The following KCNB2 variants were observed in gnomAD, a reference collection of about 807,000 sequenced individuals.
KCNB2 encodes the protein delayed rectifier potassium channel protein.
In KCNB2, 15 loss-of-function variants were observed where a neutral mutation model predicts 61.5. That is an observed-to-expected ratio of 0.24 (90% confidence interval 0.16 to 0.38). The LOEUF is 0.38. Ranked by LOEUF, KCNB2 falls within the 10% of genes least tolerant of loss-of-function variation. KCNB2 has a pLI of 1.00. For missense variants in KCNB2, 828 were observed against 1,125.2 expected (o/e 0.74, Z 3.78); for synonymous variants, 457 against 446.0 (o/e 1.02, Z -0.31).
chr8:72,757,286 C>T (rs1808304856), intron 2 of KCNB2, among the ~76,000 whole-genome samples: 1 of 151,950 alleles, frequency 6.6e-6, no homozygotes. Flanking sequence ...ATGTGAAGGT[C>T]AATGGGGACT....
chr8:72,585,228 G>A (rs1315702352), intron 2 of KCNB2, among the ~76,000 whole-genome samples: 2 of 152,152 alleles, frequency 1.3e-5, no homozygotes, highest in African/African-American at 4.8e-5. Flanking sequence ...GACAAGAGAT[G>A]CAATAAGTTT....
chr8:72,685,330 T>C (rs578262748), intron 2 of KCNB2, among the ~76,000 whole-genome samples: 2 of 152,192 alleles, frequency 1.3e-5, no homozygotes, highest in South Asian at 4.2e-4. Context: ...AATATATATA[T>C]AAAACATAAG....
chr8:72,743,551 G>A (rs1463325455), intron 2 of KCNB2, among the ~76,000 whole-genome samples: 1 of 152,182 alleles, frequency 6.6e-6, no homozygotes. Context: ...TAAATTTAGG[G>A]TGTTGAACAA....
At chr8:72,753,548 T>G (rs936267092) in intron 2 of KCNB2, among the ~76,000 whole-genome samples, 1 of 152,176 alleles carries the variant, frequency 6.6e-6, no homozygotes, top group Non-Finnish European at 1.5e-5. Context: ...AAGAAGAGGA[T>G]GTAACCAATT....
chr8:72,591,298 G>T (rs1251640718), intron 2 of KCNB2, among the ~76,000 whole-genome samples: 1 of 152,112 alleles, frequency 6.6e-6, no homozygotes, highest in African/African-American at 2.4e-5. Flanking sequence ...TCTATAGTCA[G>T]ACACTGATCT....
At chr8:72,774,232 T>C (rs907921320) in intron 2 of KCNB2, among the ~76,000 whole-genome samples, 1 of 152,216 alleles carries the variant, frequency 6.6e-6, no homozygotes, top group Non-Finnish European at 1.5e-5. Context: ...CTTCAGAGTC[T>C]GAACCATCCT....
intron 1 of KCNB2, among the ~76,000 whole-genome samples, chr8:72,543,348 A>C (rs1806216862): frequency 6.6e-6 from 1 of 152,216 alleles, no homozygotes; most frequent in African/African-American, 2.4e-5. Flanking sequence ...AAAATGCATA[A>C]GTTTGGATAA....
chr8:72,575,994 T>C (rs933892470), intron 2 of KCNB2, among the ~76,000 whole-genome samples: 10 of 152,216 alleles, frequency 6.6e-5, no homozygotes, highest in Non-Finnish European at 1.3e-4. Flanking sequence ...AGAGAGACTC[T>C]GTCTGTTTAC....
chr8:72,572,536 TC>T (rs1806726380), intron 2 of KCNB2, among the ~76,000 whole-genome samples: 1 of 151,302 alleles, frequency 6.6e-6, no homozygotes, highest in Admixed American at 6.6e-5. Flanking sequence ...CCCACTCCTC[TC>T]CCCGCTCCTC....
intron 1 of KCNB2, among the ~76,000 whole-genome samples, chr8:72,557,379 C>G (rs965521937): frequency 2.1e-5 from 3 of 141,750 alleles, no homozygotes; most frequent in Non-Finnish European, 4.6e-5. Context: ...AATGGACTCA[C>G]TAACTTTGAT....
intron 2 of KCNB2, among the ~76,000 whole-genome samples, chr8:72,814,352 C>A (rs1595874): frequency 0.28 from 42,997 of 151,950 alleles, 6,523 homozygotes; most frequent in South Asian, 0.51. Flanking sequence ...TAGGGTATAT[C>A]CATAAAAAGT....
At chr8:72,927,818 C>T (rs1185923128) in intron 2 of KCNB2, among the ~76,000 whole-genome samples, 1 of 152,170 alleles carries the variant, frequency 6.6e-6, no homozygotes, top group African/African-American at 2.4e-5. Context: ...TGCCCCCAGC[C>T]ACACAAAAGT....
intron 2 of KCNB2, among the ~76,000 whole-genome samples, chr8:72,910,938 A>G (rs1806278202): frequency 6.6e-6 from 1 of 152,192 alleles, no homozygotes; most frequent in Admixed American, 6.5e-5. Context: ...TTTATCGTGC[A>G]TTGTCAGACA....
chr8:72,657,830 A>G (rs1806316107), intron 2 of KCNB2, among the ~76,000 whole-genome samples: 2 of 152,206 alleles, frequency 1.3e-5, no homozygotes, highest in Non-Finnish European at 2.9e-5. Flanking sequence ...CATTTATATA[A>G]CGTATATCTA....
At chr8:72,659,745 C>T (rs1176952386) in intron 2 of KCNB2, among the ~76,000 whole-genome samples, 2 of 152,200 alleles carry the variant, frequency 1.3e-5, no homozygotes. Context: ...AGACCCTCCA[C>T]CAGCAAAAAC....
chr8:72,864,033 C>T (rs753515554), intron 2 of KCNB2, among the ~76,000 whole-genome samples: 11 of 152,112 alleles, frequency 7.2e-5, no homozygotes, highest in Non-Finnish European at 1.6e-4. Flanking sequence ...GGAATAGTCG[C>T]TTTTTGCACA....
intron 2 of KCNB2, among the ~76,000 whole-genome samples, chr8:72,684,572 C>T (rs1806816252): frequency 1.3e-5 from 2 of 152,148 alleles, no homozygotes; most frequent in Admixed American, 1.3e-4. Flanking sequence ...CCCCCACCTA[C>T]CCTCAAATGA....
intron 2 of KCNB2, among the ~76,000 whole-genome samples, chr8:72,641,091 A>G (rs114379686): frequency 0.012 from 1,755 of 152,178 alleles, 34 homozygotes; most frequent in African/African-American, 0.039. Flanking sequence ...AGCCGTTGCC[A>G]CCTTGTATAA....
intron 2 of KCNB2, among the ~76,000 whole-genome samples, chr8:72,707,251 A>G (rs1381420839): frequency 6.6e-6 from 1 of 152,214 alleles, no homozygotes; most frequent in Non-Finnish European, 1.5e-5. Context: ...ACCCTCACAG[A>G]CAAAAAGTGG....
Sources: allele counts gnomAD v4.1 joint callset (sites outside exome capture counted in the v4.1 genomes callset), GRCh38; gene constraint gnomAD v4.1.1; transcripts MANE v1.5; gene names NCBI Gene and HGNC (gene_info 2026-07-23, HGNC 2026-07-21).